The following RGMA variants were observed in gnomAD, a reference collection of about 807,000 sequenced individuals.
RGMA encodes the protein repulsive guidance molecule BMP co-receptor a.
RGMA carries 10 observed loss-of-function variants against 23.2 expected under a neutral mutation model. The ratio of observed to expected loss-of-function variants is 0.43; its 90% CI spans 0.27 to 0.73. The LOEUF is 0.73. Among genes scored for constraint, RGMA ranks in the 30% least tolerant of loss-of-function variants. The pLI, the probability that RGMA is intolerant of heterozygous loss-of-function variation, is 0.20. For missense variants in RGMA, 547 were observed against 630.5 expected, an observed-to-expected ratio of 0.87 and a Z score of 1.42; for synonymous variants, 308 against 279.3, an observed-to-expected ratio of 1.10 and a Z score of -1.03.
At chr15:93,078,454 T>A (rs1895507843) in intron 1 of RGMA, among the ~76,000 whole-genome samples, 3 of 152,176 alleles carry the variant, frequency 2.0e-5, no homozygotes, top group African/African-American at 7.2e-5. Flanking sequence ...CAACTCAGAG[T>A]GTGAGAACGG....
chr15:93,053,995 C>T (rs375246301), intron 2 of RGMA, among the ~76,000 whole-genome samples: 72 of 152,062 alleles, frequency 4.7e-4, no homozygotes, highest in East Asian at 1.2e-3. Context: ...TTTGGGAGGC[C>T]GAGGCAGGCA....
intron 2 of RGMA, among the ~76,000 whole-genome samples, chr15:93,060,593 C>A (rs1302616681): frequency 1.3e-5 from 2 of 152,246 alleles, no homozygotes; most frequent in Non-Finnish European, 2.9e-5. Flanking sequence ...AACCATCTGA[C>A]CCATTTGCTC....
intron 2 of RGMA, among the ~76,000 whole-genome samples, chr15:93,069,399 C>A (rs892224546): frequency 1.3e-5 from 2 of 152,182 alleles, no homozygotes; most frequent in African/African-American, 2.4e-5. Flanking sequence ...CGTGAGCCAC[C>A]GCGCCTGGCC....
intron 1 of RGMA, among the ~76,000 whole-genome samples, chr15:93,084,913 G>A (rs77905606): frequency 1.3e-5 from 2 of 152,084 alleles, no homozygotes; most frequent in South Asian, 4.1e-4. Flanking sequence ...AGTAATGTGA[G>A]GGATGTGTAG....
intron 2 of RGMA, chr15:93,065,729 C>A (rs1233096143): frequency 8.4e-7 from 1 of 1,195,396 alleles, no homozygotes; most frequent in Non-Finnish European, 1.2e-6. Context: ...GGCCGGGGAC[C>A]ATCAGCGGGA....
At chr15:93,086,764 G>A (rs1596110124) in intron 1 of RGMA, among the ~76,000 whole-genome samples, 1 of 152,154 alleles carries the variant, frequency 6.6e-6, no homozygotes, top group East Asian at 1.9e-4. Flanking sequence ...CTTCTCACAG[G>A]GCTGCTGAAG....
intron 2 of RGMA, among the ~76,000 whole-genome samples, chr15:93,063,430 C>G (rs1485615212): frequency 6.6e-6 from 1 of 152,362 alleles, no homozygotes; most frequent in East Asian, 1.9e-4. Flanking sequence ...GGAACAGACG[C>G]ACCACCCATA....
intron 1 of RGMA, among the ~76,000 whole-genome samples, chr15:93,086,933 G>A (rs1005726693): frequency 1.1e-4 from 16 of 152,178 alleles, no homozygotes; most frequent in African/African-American, 4.8e-5. Flanking sequence ...TGAATGAGAT[G>A]CCAAGCTATT....
At chr15:93,083,816 A>G (rs192582040) in intron 1 of RGMA, among the ~76,000 whole-genome samples, 39 of 152,282 alleles carry the variant, frequency 2.6e-4, no homozygotes, top group African/African-American at 8.7e-4. Context: ...GCCATCATGA[A>G]CTTCGTAACG....
At chr15:93,067,873 G>A (rs1596099655) in intron 2 of RGMA, among the ~76,000 whole-genome samples, 2 of 152,256 alleles carry the variant, frequency 1.3e-5, no homozygotes, top group East Asian at 3.9e-4. Context: ...ATCGGGGGAG[G>A]CAGGCAGGTC....
chr15:93,044,612 G>T lies in RGMA; in HGVS notation c.*386C>A. 7.5e-6 allele frequency: 2 copies of T among 268,008 alleles called. No individual in the cohort carries two copies. The highest frequency in any genetic ancestry group is 8.5e-5 in the East Asian group (1 of 11,792). The allele number at this position is 268,008 out of a possible 1,614,324, so 16.6% of individuals were successfully genotyped here. On this transcript the variant is annotated 3_prime_UTR_variant, in exon 4 of 4. Transcript: ENST00000329082. ...GCGGGCACAGGGGGCCCCACGGATCGGCGAGCAGCAGTCGGCCGGGCCTTT... is the reference window on the plus strand; with the variant it reads ...GCGGGCACAGGGGGCCCCACGGATCTGCGAGCAGCAGTCGGCCGGGCCTTT...
chr15:93,047,855 A>G (rs1297910502), intron 3 of RGMA, among the ~76,000 whole-genome samples: 1 of 152,208 alleles, frequency 6.6e-6, no homozygotes, highest in African/African-American at 2.4e-5. Flanking sequence ...AGGTGCTAGA[A>G]AGCAACAGGA....
intron 1 of RGMA, among the ~76,000 whole-genome samples, chr15:93,077,242 G>A (rs1349519413): frequency 1.3e-5 from 2 of 152,172 alleles, no homozygotes; most frequent in African/African-American, 4.8e-5. Flanking sequence ...GAAGGGGAGG[G>A]ATTTATTCTT....
In RGMA at chr15:93,045,564, C is replaced by G; in HGVS notation, c.787G>C (p.Glu263Gln). 6.2e-7 allele frequency: 1 copy of G among 1,613,316 alleles called. No homozygotes were observed. Among genetic ancestry groups the G allele is most frequent in the South Asian group, 1.1e-5 (1 of 91,078 alleles). ...KHGANSLKIT[E>Q]KVSGQHVEIQ... ...TCCACGTGCTGGCCTGACACCTTCT[C>G]AGTGATCTTCAGGCTGTTGGCCCCG... Residue 263 changes from glutamate to glutamine, a missense_variant, in exon 4 of 4, where the codon GAG (glutamate) becomes CAG (glutamine). Physicochemically the swap from Glu to Gln is conservative, Grantham distance 29. Transcript: ENST00000329082. This position sits in a 1 kb window ranked among gnomAD's most constrained non-coding sequence, Gnocchi z 6.9.
At chr15:93,048,670 T>C (rs1285096226) in intron 3 of RGMA, among the ~76,000 whole-genome samples, 2 of 152,098 alleles carry the variant, frequency 1.3e-5, no homozygotes, top group African/African-American at 2.4e-5. Context: ...CCTGATGAGA[T>C]TGCTGCTACT....
At chr15:93,064,005 C>G (rs753181070) in intron 2 of RGMA, among the ~76,000 whole-genome samples, 9 of 152,212 alleles carry the variant, frequency 5.9e-5, no homozygotes, top group African/African-American at 2.2e-4. Flanking sequence ...AGTGGCTACA[C>G]GAAACCACAC....
At chr15:93,083,582 G>A (rs571364491) in intron 1 of RGMA, among the ~76,000 whole-genome samples, 18 of 152,280 alleles carry the variant, frequency 1.2e-4, no homozygotes, top group African/African-American at 4.1e-4. Context: ...GCCAACCTCG[G>A]CCTCCCAAAG....
intron 1 of RGMA, among the ~76,000 whole-genome samples, chr15:93,087,106 G>A (rs1311625065): frequency 6.6e-6 from 1 of 152,116 alleles, no homozygotes; most frequent in Non-Finnish European, 1.5e-5. Context: ...AATGGAAGCA[G>A]GGTACTTGAA....
chr15:93,050,877 C>T (rs2141806170), intron 3 of RGMA, among the ~76,000 whole-genome samples: 1 of 152,250 alleles, frequency 6.6e-6, no homozygotes, highest in East Asian at 1.9e-4. Context: ...CAGCCTCAGG[C>T]TCCTGGCGTC....
Sources: gnomAD v4.1 joint callset for allele counts (sites outside exome capture counted in the v4.1 genomes callset) on GRCh38, gnomAD v4.1.1 for gene constraint, Gnocchi (gnomAD v3.1) non-coding constraint, MANE v1.5 for transcripts, NCBI Gene and HGNC (gene_info 2026-07-23, HGNC 2026-07-21) for gene names.